Variants in NR1H4 observed in about 807,000 individuals in gnomAD.
NR1H4 encodes nuclear receptor subfamily 1 group H member 4, also known as bile acid receptor.
NR1H4 carries 23 observed loss-of-function variants against 58.5 expected under a neutral mutation model. That is an observed-to-expected ratio of 0.39 (90% CI 0.28 to 0.56). The LOEUF (loss-of-function observed/expected upper bound fraction) is 0.56. NR1H4 is among the 20% of genes least tolerant of loss of function. The probability of loss-of-function intolerance (pLI) is 0.58; values close to 1 mark genes in which losing one functional copy is unlikely to be tolerated. For synonymous variants in NR1H4, 214 were observed against 198.0 expected, an observed-to-expected ratio of 1.08 and a Z score of -0.68; for missense variants, 487 against 576.9, an observed-to-expected ratio of 0.84 and a Z score of 1.60.
Position 100,510,830 on chromosome 12 carries a change from A to G in NR1H4, c.132A>G (p.Glu44=). 1 of 1,614,122 alleles carries G rather than the reference A, an allele frequency of 6.2e-7. No homozygotes were observed. The highest frequency in any genetic ancestry group is 8.5e-7 in the Non-Finnish European group (1 of 1,180,004). Residue 44 remains glutamate (E), a synonymous_variant, in exon 4 of 11, where the codon GAA becomes GAG. Transcript: ENST00000392986. ...AGPLGQNLEV[E]PYSQYSNVQF... ...CTCTGGGACAGAACCTGGAAGTGGA[A>G]CCATACTCGCAATACAGCAATGTTC... is the stretch of plus-strand genomic sequence containing the variant.
Position 100,510,787 on chromosome 12 carries a change from C to T in NR1H4, c.89C>T (p.Thr30Ile). The T allele has an allele frequency of 6.2e-7, 1 of 1,613,880 alleles. No individual in the cohort carries two copies. The highest frequency in any genetic ancestry group is 8.5e-7 in the Non-Finnish European group (1 of 1,179,908). ...TGTCACTTTTGTTCAGGTGTTTTAA[C>T]AGAACAAGTGGCAGGTCCTCTGGGA... ...SFSENLFGVL[T>I]EQVAGPLGQN... Residue 30 changes from threonine (T) to isoleucine (I), a missense_variant, in exon 4 of 11, where the codon ACA becomes ATA. Physicochemically the swap from Thr to Ile is moderately conservative, Grantham distance 89. Coordinates refer to ENST00000392986, the MANE Select transcript of NR1H4 (RefSeq NM_001206979.2).
intron 4 of NR1H4, among the ~76,000 whole-genome samples, chr12:100,523,438 AT>A (rs1954478409): frequency 6.6e-6 from 1 of 152,074 alleles, no homozygotes; most frequent in South Asian, 2.1e-4. Flanking sequence ...TGAGTTTCTT[AT>A]AGATTCTGGA....
In NR1H4 at chr12:100,563,479, A is replaced by G; in HGVS notation, c.1421A>G (p.Asp474Gly). The change falls in exon 11 of 11, where the codon GAC becomes GGC. Residue 474 changes from aspartate to glycine, a missense_variant. Asp to Gly is a moderately conservative substitution (Grantham distance 94, BLOSUM62 -1). Transcript: ENST00000392986. ...ACCCCACTTCTCTGTGAAATCTGGG[A>G]CGTGCAGTGATGGGGATTACAGGGG... The part of the protein sequence containing the change: ...KFTPLLCEIW[D>G]VQ 1 of 1,613,498 alleles carries G rather than the reference A, an allele frequency of 6.2e-7. No homozygotes were observed. Among genetic ancestry groups the G allele is most frequent in the Non-Finnish European group, 8.5e-7 (1 of 1,179,416 alleles).
intron 1 of NR1H4, among the ~76,000 whole-genome samples, chr12:100,488,454 C>G (rs1953541596): frequency 6.6e-6 from 1 of 152,054 alleles, no homozygotes; most frequent in Non-Finnish European, 1.5e-5. Context: ...CTCATAATAG[C>G]TAGTCATAAA....
In NR1H4 at chr12:100,563,380, T is replaced by C. The variant is rs745674560; in HGVS notation, c.1322T>C (p.Leu441Pro). ...CACTTTGCCTGTCTCCTGGGTCGCC[T>C]GACTGAATTACGGACATTCAATCAT... ...PQHFACLLGR[L>P]TELRTFNHHH... The change falls in exon 11 of 11, where the codon CTG becomes CCG. Residue 441 changes from leucine (L) to proline (P), a missense_variant. By Grantham distance (98) the Leu-to-Pro change is moderately conservative (BLOSUM62 -3). Coordinates refer to ENST00000392986, the MANE Select transcript of NR1H4 (RefSeq NM_001206979.2). The C allele has an allele frequency of 1.2e-6, 2 of 1,614,064 alleles. No homozygotes were observed. Among genetic ancestry groups the C allele is most frequent in the Non-Finnish European group, 1.7e-6 (2 of 1,180,042 alleles).
At chr12:100,501,650 G>A (rs558920797) in intron 3 of NR1H4, among the ~76,000 whole-genome samples, 18 of 152,214 alleles carry the variant, frequency 1.2e-4, no homozygotes, top group African/African-American at 3.6e-4. Flanking sequence ...ATATGGAACC[G>A]CTTTGGAAAC....
At chr12:100,542,072 G>A (rs185059593) in intron 9 of NR1H4, among the ~76,000 whole-genome samples, 2 of 152,100 alleles carry the variant, frequency 1.3e-5, no homozygotes, top group African/African-American at 4.8e-5. Flanking sequence ...TCAGCCCAAT[G>A]CAGTGGCTCA....
chr12:100,509,594 C>T (rs1566443531), intron 3 of NR1H4, among the ~76,000 whole-genome samples: 1 of 152,130 alleles, frequency 6.6e-6, no homozygotes, highest in Non-Finnish European at 1.5e-5. Flanking sequence ...TGTTATTATT[C>T]TCTGTTTTAT....
chr12:100,554,345 T>G (rs964453993), intron 9 of NR1H4, among the ~76,000 whole-genome samples: 3 of 151,354 alleles, frequency 2.0e-5, no homozygotes, highest in Non-Finnish European at 4.4e-5. Flanking sequence ...ATAGAGGTAT[T>G]TAAGATACTA....
intron 5 of NR1H4, among the ~76,000 whole-genome samples, chr12:100,534,124 C>T (rs1021017025): frequency 2.6e-5 from 4 of 151,056 alleles, no homozygotes; most frequent in African/African-American, 9.9e-5. Context: ...TCTCGATCTC[C>T]TGACCTCATC....
At chr12:100,523,883 T>C (rs145466284) in intron 4 of NR1H4, among the ~76,000 whole-genome samples, 2,216 of 152,308 alleles carry the variant, frequency 0.015, 31 homozygotes, top group Middle Eastern at 0.02. Context: ...TAGTCACCAT[T>C]CTAAAGCAAA....
chr12:100,516,147 A>G (rs1954259525), intron 4 of NR1H4, among the ~76,000 whole-genome samples: 1 of 152,226 alleles, frequency 6.6e-6, no homozygotes, highest in Non-Finnish European at 1.5e-5. Flanking sequence ...AATAGGAGGA[A>G]TGCTACTCTC....
chr12:100,557,535 C>T (rs184084314), intron 9 of NR1H4, among the ~76,000 whole-genome samples: 20 of 152,282 alleles, frequency 1.3e-4, no homozygotes, highest in South Asian at 4.1e-4. Context: ...TTCTGGTGAA[C>T]GCATCCCTCA....
chr12:100,505,883 C>T, intron 3 of NR1H4: 1 of 352,998 alleles, frequency 2.8e-6, no homozygotes. Context: ...TGTCCTAACC[C>T]TTGACATCCC....
At chr12:100,496,511 G>A (rs1374743776) in intron 3 of NR1H4, among the ~76,000 whole-genome samples, 3 of 152,134 alleles carry the variant, frequency 2.0e-5, no homozygotes, top group South Asian at 4.1e-4. Flanking sequence ...ATTTAGGGGT[G>A]GACAACTGCT....
chr12:100,510,607 TTATATATATATATATA>T (rs34480475), intron 3 of NR1H4, among the ~76,000 whole-genome samples, 155 bp from the exon 4 acceptor site: 58 of 133,694 alleles, frequency 4.3e-4, no homozygotes, highest in Non-Finnish European at 3.2e-5. Flanking sequence ...TCATTTAATT[TTATATATATATATATA>T]TATATATATA....
intron 9 of NR1H4, among the ~76,000 whole-genome samples, chr12:100,547,957 T>C (rs562675911): frequency 2.2e-4 from 33 of 150,972 alleles, no homozygotes; most frequent in African/African-American, 7.7e-4. Context: ...CCTGACCTCA[T>C]GATTCGCCCG....
chr12:100,534,960 C>G lies in NR1H4; in HGVS notation c.669C>G (p.Thr223=), dbSNP rs768563784. Residue 223 remains threonine, a synonymous_variant, in exon 6 of 11, where the codon ACC becomes ACG. Coordinates refer to ENST00000392986, the MANE Select transcript of NR1H4 (RefSeq NM_001206979.2). ...RKNVKQHADQ[T]VNEDSEGRDL... Reference sequence around the variant, plus strand: ...ATGTGAAGCAGCATGCAGATCAGACCGTGAATGAAGACAGTGAAGGTCGTG... The same window carrying G: ...ATGTGAAGCAGCATGCAGATCAGACGGTGAATGAAGACAGTGAAGGTCGTG... 5.0e-6 allele frequency: 8 copies of G among 1,613,992 alleles called. No homozygotes were observed. Among genetic ancestry groups the G allele is most frequent in the Non-Finnish European group, 6.8e-6 (8 of 1,180,020 alleles).
chr12:100,507,508 G>A (rs1953996202), intron 3 of NR1H4, among the ~76,000 whole-genome samples: 2 of 151,984 alleles, frequency 1.3e-5, no homozygotes, highest in African/African-American at 4.8e-5. Context: ...CTGTCTCCAG[G>A]CTGGAGTGCA....
Sources: allele counts gnomAD v4.1 joint callset (sites outside exome capture counted in the v4.1 genomes callset), GRCh38; gene constraint gnomAD v4.1.1; transcripts MANE v1.5; gene names NCBI Gene and HGNC (gene_info 2026-07-23, HGNC 2026-07-21).